The following PLEKHA7 variants were observed in gnomAD, a reference collection of about 807,000 sequenced individuals.
The protein encoded by PLEKHA7 is pleckstrin homology domain containing A7.
PLEKHA7 carries 104 observed loss-of-function variants against 170.0 expected under a neutral mutation model. The observed-to-expected ratio is 0.61, with a 90% CI of 0.52 to 0.72. The LOEUF (loss-of-function observed/expected upper bound fraction) is 0.72. Among genes scored for constraint, PLEKHA7 ranks in the 30% least tolerant of loss-of-function variants. PLEKHA7 has a pLI of 0.00. For synonymous variants in PLEKHA7, 648 were observed against 660.8 expected, an observed-to-expected ratio of 0.98 and a Z score of 0.30; for missense variants, 1,615 against 1,671.7, an observed-to-expected ratio of 0.97 and a Z score of 0.59.
At chr11:16,786,102 T>C in intron 24 of PLEKHA7, 127 bp downstream of exon 24, 1 of 1,143,368 alleles carries the variant, frequency 8.7e-7, no homozygotes, top group Admixed American at 2.4e-5. Context: ...CCATCCATCC[T>C]CCTAGGCCAC....
chr11:16,908,042 T>C (rs1490946972), intron 3 of PLEKHA7, among the ~76,000 whole-genome samples: 1 of 151,696 alleles, frequency 6.6e-6, no homozygotes, highest in Non-Finnish European at 1.5e-5. Context: ...AGATGTGCTT[T>C]GTTAAACAGA....
chr11:16,994,214 C>T (rs771321496), intron 3 of PLEKHA7, among the ~76,000 whole-genome samples: 4 of 152,198 alleles, frequency 2.6e-5, no homozygotes, highest in Admixed American at 6.5e-5. Flanking sequence ...TGCAAAGCTG[C>T]GAGGAGGGCC....
intron 3 of PLEKHA7, among the ~76,000 whole-genome samples, chr11:16,971,271 C>A (rs1182856659): frequency 6.6e-6 from 1 of 152,178 alleles, no homozygotes; most frequent in Admixed American, 6.5e-5. Flanking sequence ...TCACTGAGAA[C>A]CTCCAAATGC....
chr11:16,804,165 C>T (rs1848790877), intron 13 of PLEKHA7, among the ~76,000 whole-genome samples: 1 of 152,172 alleles, frequency 6.6e-6, no homozygotes, highest in South Asian at 2.1e-4. Flanking sequence ...CAGATGCACC[C>T]TCCCATGGCC....
At chr11:16,823,640 T>A (rs1357946447) in intron 10 of PLEKHA7, among the ~76,000 whole-genome samples, 1 of 152,154 alleles carries the variant, frequency 6.6e-6, no homozygotes, top group Non-Finnish European at 1.5e-5. Flanking sequence ...TATCTACCTA[T>A]TAACCAAGCC....
Position 16,794,610 on chromosome 11 carries a change from T to C in PLEKHA7, c.2623A>G (p.Thr875Ala). 7 of 1,613,324 alleles carry C rather than the reference T, an allele frequency of 4.3e-6. No individual in the cohort carries two copies. The highest frequency in any genetic ancestry group is 5.9e-6 in the Non-Finnish European group (7 of 1,179,794). ...GGGAAGAGTCGAACCTCCAGAGGGG[T>C]CCGCACAGGGCTGGTGGGAGGACTG... ...QPSPPTSPVR[T>A]PLEVRLFPQL... is the part of the protein sequence containing the mutation. The change falls in exon 19 of 27, where the codon ACC (threonine) becomes GCC (alanine). Residue 875 changes from threonine (T) to alanine (A), a missense_variant. Thr to Ala is a moderately conservative substitution (Grantham distance 58). Transcript: ENST00000531066.
intron 4 of PLEKHA7, among the ~76,000 whole-genome samples, chr11:16,856,615 A>C (rs557774463): frequency 6.6e-6 from 1 of 152,332 alleles, no homozygotes; most frequent in South Asian, 2.1e-4. Flanking sequence ...CTTCCCACCA[A>C]GGAGCTGCCC....
intron 16 of PLEKHA7, 83 bp downstream of exon 16, chr11:16,801,585 C>T (rs1848599718): frequency 1.3e-6 from 2 of 1,545,650 alleles, no homozygotes. Context: ...TGGACACCAA[C>T]TCAACTACAT....
intron 3 of PLEKHA7, among the ~76,000 whole-genome samples, chr11:16,885,994 A>G (rs1309860618): frequency 2.2e-5 from 3 of 135,840 alleles, no homozygotes; most frequent in African/African-American, 7.6e-5. Context: ...GCAAGACTCC[A>G]TCGGAAAAAA....
At chr11:16,932,839 G>C (rs1860039551) in intron 3 of PLEKHA7, among the ~76,000 whole-genome samples, 1 of 152,212 alleles carries the variant, frequency 6.6e-6, no homozygotes, top group Non-Finnish European at 1.5e-5. Flanking sequence ...CCTGGCACAA[G>C]AATAGATGGG....
intron 10 of PLEKHA7, 84 bp downstream of exon 10, chr11:16,826,036 C>G (rs188282785): frequency 2.2e-6 from 3 of 1,367,566 alleles, no homozygotes; most frequent in Non-Finnish European, 3.0e-6. Context: ...GCTGCCCTTA[C>G]GCAGCAAGTG....
At chr11:17,010,001 CAT>C (rs1865230496) in intron 3 of PLEKHA7, among the ~76,000 whole-genome samples, 1 of 152,158 alleles carries the variant, frequency 6.6e-6, no homozygotes, top group Non-Finnish European at 1.5e-5. Flanking sequence ...ATTTCTTATA[CAT>C]TTTGTCCCTC....
chr11:16,803,318 G>A (rs191878759), intron 13 of PLEKHA7, 23 bp from the exon 14 acceptor site: 28 of 1,598,976 alleles, frequency 1.8e-5, no homozygotes, highest in Non-Finnish European at 2.2e-5. Context: ...CAATTTAAAA[G>A]AGATTTAACC....
intron 3 of PLEKHA7, among the ~76,000 whole-genome samples, chr11:16,886,340 C>G (rs1487014530): frequency 6.6e-6 from 1 of 152,142 alleles, no homozygotes; most frequent in Non-Finnish European, 1.5e-5. Flanking sequence ...GGAAACTGCT[C>G]CAGAAAGCAA....
chr11:17,004,945 C>A (rs1420960159), intron 3 of PLEKHA7, among the ~76,000 whole-genome samples: 1 of 152,172 alleles, frequency 6.6e-6, no homozygotes, highest in African/African-American at 2.4e-5. Flanking sequence ...AAGATACCTG[C>A]CAGTTTGCTG....
intron 3 of PLEKHA7, among the ~76,000 whole-genome samples, chr11:17,005,882 T>C (rs10741720): frequency 0.64 from 96,614 of 152,008 alleles, 31,334 homozygotes; most frequent in East Asian, 0.96. Flanking sequence ...GGAAGTGAAA[T>C]ATAAAGCATG....
chr11:16,870,472 T>C (rs1854739973), intron 4 of PLEKHA7, among the ~76,000 whole-genome samples: 1 of 151,832 alleles, frequency 6.6e-6, no homozygotes, highest in Non-Finnish European at 1.5e-5. Flanking sequence ...CTACAAAAAA[T>C]ACAAAAATAT....
In PLEKHA7 at chr11:16,789,150, C is replaced by T. The variant is rs372525564; in HGVS notation, c.3303G>A (p.Thr1101=). The T allele has an allele frequency of 7.8e-5, 125 of 1,610,800 alleles. No homozygotes were observed. The highest frequency in any genetic ancestry group is 1.0e-4 in the Non-Finnish European group (119 of 1,180,028). The change falls in exon 23 of 27, where the codon ACG becomes ACA. Residue 1101 remains threonine (T), a synonymous_variant. Coordinates refer to ENST00000531066, the MANE Select transcript of PLEKHA7 (RefSeq NM_001329630.2). This position sits in a 1 kb window ranked among gnomAD's most constrained non-coding sequence, Gnocchi z 4.6. ...TGAGGTAGCGAGATGAGGGCAGGCC[C>T]GTCCTCTCCCCTTGGCCCAGTGTCC... ...RKRTLGQGER[T]GLPSSRYLSR... is the part of the protein sequence containing the mutation.
intron 6 of PLEKHA7, 105 bp from the exon 7 acceptor site, chr11:16,852,460 T>G (rs1853054178): frequency 1.1e-6 from 1 of 871,392 alleles, no homozygotes. Context: ...CCATATTCAC[T>G]CTTTGTTTTA....
Sources: gnomAD v4.1 joint callset for allele counts (sites outside exome capture counted in the v4.1 genomes callset) on GRCh38, gnomAD v4.1.1 for gene constraint, Gnocchi (gnomAD v3.1) non-coding constraint, MANE v1.5 for transcripts, NCBI Gene and HGNC (gene_info 2026-07-23, HGNC 2026-07-21) for gene names.